ITGB6: variants seen among roughly 807,000 people sequenced by gnomAD.
ITGB6 encodes integrin subunit beta 6.
A neutral mutation model predicts 84.5 loss-of-function variants in ITGB6; 80 were observed. That is an observed-to-expected ratio of 0.95 (90% CI 0.79 to 1.14). The LOEUF (loss-of-function observed/expected upper bound fraction) is 1.14. ITGB6 is among the 50% of genes most tolerant of loss of function. The pLI, the probability that ITGB6 is intolerant of heterozygous loss-of-function variation, is 0.00. For synonymous variants in ITGB6, 383 were observed against 354.9 expected (o/e 1.08, Z -0.89); for missense variants, 1,006 against 968.0 (o/e 1.04, Z -0.52).
At chr2:160,119,966 G>T (rs1323744671) in intron 12 of ITGB6, among the ~76,000 whole-genome samples, 2 of 152,004 alleles carry the variant, frequency 1.3e-5, no homozygotes, top group Non-Finnish European at 1.5e-5. Flanking sequence ...ACCACAATGA[G>T]ATACCATCTC....
At chr2:160,179,382 T>A (rs920221571) in intron 4 of ITGB6, among the ~76,000 whole-genome samples, 1 of 147,710 alleles carries the variant, frequency 6.8e-6, no homozygotes, top group African/African-American at 2.5e-5. Context: ...TTTTCTTTTT[T>A]TCTTTTTCTT....
chr2:160,151,316 G>T (rs1684407510), intron 7 of ITGB6, among the ~76,000 whole-genome samples: 1 of 152,182 alleles, frequency 6.6e-6, no homozygotes, highest in South Asian at 2.1e-4. Flanking sequence ...CAGCTACATG[G>T]AAACTGAACA....
intron 4 of ITGB6, among the ~76,000 whole-genome samples, chr2:160,174,396 C>A (rs898573116): frequency 1.3e-5 from 2 of 152,126 alleles, no homozygotes; most frequent in African/African-American, 4.8e-5. Context: ...AACAGATAAT[C>A]AGGTGATCAG....
At chr2:160,136,278 C>A (rs1683711118) in intron 10 of ITGB6, among the ~76,000 whole-genome samples, 1 of 152,188 alleles carries the variant, frequency 6.6e-6, no homozygotes, top group African/African-American at 2.4e-5. Context: ...GACATTTATG[C>A]AGCCAAAAGA....
At chr2:160,190,323 G>A (rs1385253382) in intron 4 of ITGB6, among the ~76,000 whole-genome samples, 1 of 151,914 alleles carries the variant, frequency 6.6e-6, no homozygotes, top group Non-Finnish European at 1.5e-5. Flanking sequence ...CCTGCACGTT[G>A]TGCACATGTA....
rs1440023172 is a variant in ITGB6 at position 160,171,897 on chromosome 2, G to A, written c.921+672C>T. On this transcript the variant is annotated intron_variant, in intron 6 of 14. Coordinates refer to ENST00000283249, the MANE Select transcript of ITGB6 (RefSeq NM_000888.5). The stretch of plus-strand genomic sequence containing the variant: ...ACTGGCTTTTCAAGGATAATGAAGA[G>A]TTTCTCAGCAGGCTAGGAAGGAAGG... Among the ~76,000 whole-genome samples, 16 of 152,312 alleles carry A rather than the reference G, an allele frequency of 1.1e-4. 1 individual carries two copies. The East Asian group carries it at 2.9e-3, about 28-fold the overall frequency.
chr2:160,152,643 AGAGG>A (rs1361451406), intron 7 of ITGB6, among the ~76,000 whole-genome samples: 1 of 152,206 alleles, frequency 6.6e-6, no homozygotes, highest in East Asian at 1.9e-4. Context: ...AGTTAGGAAA[AGAGG>A]AAGTCAAATT....
chr2:160,199,653 T>C (rs1686479734), intron 1 of ITGB6, among the ~76,000 whole-genome samples: 1 of 152,244 alleles, frequency 6.6e-6, no homozygotes, highest in African/African-American at 2.4e-5. Flanking sequence ...ATAAATCCTC[T>C]TTCTCTTTCA....
At chr2:160,175,173 AG>A (rs1685370867) in intron 4 of ITGB6, among the ~76,000 whole-genome samples, 1 of 152,232 alleles carries the variant, frequency 6.6e-6, no homozygotes, top group Admixed American at 6.5e-5. Context: ...TTGGCTCTAC[AG>A]GTCCAGTAGC....
intron 4 of ITGB6, among the ~76,000 whole-genome samples, chr2:160,190,005 C>T (rs1686073889): frequency 6.6e-6 from 1 of 152,018 alleles, no homozygotes; most frequent in Non-Finnish European, 1.5e-5. Context: ...ACATATACAC[C>T]ATGGAATACT....
chr2:160,120,209 C>T (rs1210001765), intron 12 of ITGB6, among the ~76,000 whole-genome samples: 1 of 151,884 alleles, frequency 6.6e-6, no homozygotes, highest in African/African-American at 2.4e-5. Context: ...TATAAAGACA[C>T]ATGCACACGT....
intron 12 of ITGB6, among the ~76,000 whole-genome samples, chr2:160,116,038 G>A (rs1477846529): frequency 6.8e-6 from 1 of 146,414 alleles, no homozygotes; most frequent in Non-Finnish European, 1.5e-5. Flanking sequence ...ACTTCTGATT[G>A]GTGTACCTGA....
Position 160,172,173 on chromosome 2 carries a change from A to C in ITGB6, c.921+396T>G, listed in dbSNP as rs138663264. Among the ~76,000 whole-genome samples, 944 of 152,366 alleles carry C rather than the reference A, an allele frequency of 6.2e-3. 3 individuals carry two copies. Among genetic ancestry groups the C allele is most frequent in the African/African-American group, 0.021 (891 of 41,590 alleles). ...TACCTGACTAGTTGTTACCCATGGAACATGAAAGGATGGCCTGATTCAAGG... is the reference window on the plus strand; with the variant it reads ...TACCTGACTAGTTGTTACCCATGGACCATGAAAGGATGGCCTGATTCAAGG... On this transcript the variant is annotated intron_variant, in intron 6 of 14. Coordinates refer to ENST00000283249, the MANE Select transcript of ITGB6 (RefSeq NM_000888.5).
intron 4 of ITGB6, among the ~76,000 whole-genome samples, chr2:160,182,219 C>A (rs976587203): frequency 3.9e-5 from 6 of 152,018 alleles, no homozygotes; most frequent in African/African-American, 1.5e-4. Flanking sequence ...ATGTTCTAAC[C>A]CAATGCAAGG....
rs1354382788 is a variant in ITGB6 at position 160,138,160 on chromosome 2, T to A, written c.1147A>T (p.Thr383Ser). ...SEVELEVLGD[T>S]EGLNLSFTAI... is the part of the protein sequence containing the mutation. ...GTAAATGACAAGTTGAGTCCTTCAG[T>A]GTCTCCTAATACTTCCAGTTCCACC... The change falls in exon 9 of 15, where the codon ACT becomes TCT. Residue 383 changes from threonine (T) to serine (S), a missense_variant. Transcript: ENST00000283249. The A allele has an allele frequency of 6.2e-7, 1 of 1,613,844 alleles. No homozygotes were observed. Among genetic ancestry groups the A allele is most frequent in the Non-Finnish European group, 8.5e-7 (1 of 1,179,946 alleles).
chr2:160,121,022 G>C (rs889271988), intron 12 of ITGB6, among the ~76,000 whole-genome samples: 3 of 151,066 alleles, frequency 2.0e-5, no homozygotes, highest in Admixed American at 6.6e-5. Flanking sequence ...TAACAAACCT[G>C]CACATTGTGC....
chr2:160,195,509 T>G lies in ITGB6; in HGVS notation c.453A>C (p.Thr151=). ...AAAGCCGGGAGCCCAGCTCCTTTAT[T>G]GTGTTGAGGTCGTCATCCATGGAGG... ...LSASMDDDLN[T]IKELGSRLSK... is the part of the protein sequence containing the mutation. Residue 151 remains threonine (T), a synonymous_variant, in exon 4 of 15, where the codon ACA becomes ACC. Transcript: ENST00000283249. 1.2e-6 allele frequency: 2 copies of G among 1,614,160 alleles called. No individual in the cohort carries two copies. The highest frequency in any genetic ancestry group is 1.7e-6 in the Non-Finnish European group (2 of 1,180,016).
intron 8 of ITGB6, among the ~76,000 whole-genome samples, chr2:160,140,668 T>C (rs1264928512): frequency 6.6e-6 from 1 of 152,194 alleles, no homozygotes; most frequent in Non-Finnish European, 1.5e-5. Context: ...ACTGGAAGAA[T>C]TTCAAGCATG....
intron 4 of ITGB6, among the ~76,000 whole-genome samples, chr2:160,181,966 C>T (rs998132651): frequency 6.6e-6 from 1 of 152,106 alleles, no homozygotes; most frequent in Non-Finnish European, 1.5e-5. Flanking sequence ...AGGACGTCCA[C>T]ACAAAAAACC....
Sources: allele counts gnomAD v4.1 joint callset (sites outside exome capture counted in the v4.1 genomes callset), GRCh38; gene constraint gnomAD v4.1.1; transcripts MANE v1.5; gene names NCBI Gene and HGNC (gene_info 2026-07-23, HGNC 2026-07-21).